AZIN1: variants seen among roughly 807,000 people sequenced by gnomAD.
The protein encoded by AZIN1 is ornithine decarboxylase antizyme inhibitor.
Under a neutral mutation model 47.4 loss-of-function variants are expected in AZIN1, and 12 were observed. The observed-to-expected ratio is 0.25, with a 90% CI of 0.16 to 0.41. AZIN1 has a LOEUF of 0.41. AZIN1 is among the 10% of genes least tolerant of loss of function. The probability of loss-of-function intolerance (pLI) is 1.00; values close to 1 mark genes in which losing one functional copy is unlikely to be tolerated. For missense variants in AZIN1, 410 were observed against 532.4 expected, an observed-to-expected ratio of 0.77 and a Z score of 2.26; for synonymous variants, 155 against 176.3, an observed-to-expected ratio of 0.88 and a Z score of 0.96.
At chr8:102,833,961 A>C (rs1811649249) in intron 8 of AZIN1, among the ~76,000 whole-genome samples, 1 of 152,044 alleles carries the variant, frequency 6.6e-6, no homozygotes, top group Non-Finnish European at 1.5e-5. Flanking sequence ...TAAGTACAGA[A>C]ACACAACTGA....
intron 2 of AZIN1, among the ~76,000 whole-genome samples, chr8:102,851,867 G>A (rs1812937717): frequency 6.6e-6 from 1 of 152,102 alleles, no homozygotes; most frequent in Non-Finnish European, 1.5e-5. Flanking sequence ...TTACATTCTA[G>A]TACTAGAGTC....
chr8:102,828,631 T>A lies in AZIN1; in HGVS notation c.1283A>T (p.Asn428Ile). The A allele has an allele frequency of 6.2e-7, 1 of 1,611,730 alleles. No homozygotes were observed. The highest frequency in any genetic ancestry group is 2.2e-5 in the East Asian group (1 of 44,828). Residue 428 changes from asparagine to isoleucine, a missense_variant, in exon 12 of 12, where the codon AAC becomes ATC. Physicochemically the swap from Asn to Ile is moderately radical, Grantham distance 149 (BLOSUM62 -3). This residue lies in a region of AZIN1 where 168 missense variants were observed against 198.3 expected (regional missense o/e 0.85). Coordinates refer to ENST00000337198, the MANE Select transcript of AZIN1 (RefSeq NM_148174.4). ...AATGCAAGAAGGCACAAAGAAGAAG[T>A]TCTTCATCATTGAGTCTGAAGTAAT... is the stretch of plus-strand genomic sequence containing the variant. Reference protein sequence around the residue: ...AGITSDSMMKNFFFVPSCIQL... With the variant: ...AGITSDSMMKIFFFVPSCIQL...
rs766897529 is a variant in AZIN1 at position 102,834,741 on chromosome 8, A to G, written c.591T>C (p.His197=). 6.2e-7 allele frequency: 1 copy of G among 1,609,058 alleles called. No homozygotes were observed. Among genetic ancestry groups the G allele is most frequent in the East Asian group, 2.2e-5 (1 of 44,758 alleles). ...GAGATTCTTTGCAAGCACTCGAAAC[A>G]TGAAATCTGAAACACATAGAATACT... ...LDVQIIGVKF[H]VSSACKESQV... is the part of the protein sequence containing the mutation. The change falls in exon 7 of 12, where the codon CAT becomes CAC. Residue 197 remains histidine (H), a synonymous_variant. Transcript: ENST00000337198.
At chr8:102,858,200 T>C (rs767346723) in intron 1 of AZIN1, 50 bp from the exon 2 acceptor site, 5 of 398,242 alleles carry the variant, frequency 1.3e-5, no homozygotes, top group African/African-American at 2.1e-5. Flanking sequence ...GTTAAAAAAA[T>C]GTTTAGGCTG....
At chr8:102,830,836 T>G (rs1811408278) in intron 9 of AZIN1, among the ~76,000 whole-genome samples, 1 of 152,110 alleles carries the variant, frequency 6.6e-6, no homozygotes, top group African/African-American at 2.4e-5. Context: ...ATGTATACAC[T>G]GCCAGTGGGA....
intron 4 of AZIN1, 136 bp downstream of exon 4, chr8:102,839,514 G>T: frequency 1.7e-6 from 1 of 594,840 alleles, no homozygotes; most frequent in Non-Finnish European, 2.7e-6. Flanking sequence ...TCCAACATGA[G>T]GCTGGAGATT....
intron 6 of AZIN1, chr8:102,835,027 T>C (rs1234172283): frequency 3.6e-6 from 1 of 275,876 alleles, no homozygotes; most frequent in South Asian, 8.8e-5. Context: ...CAATAAGGTG[T>C]GCTTTTATGT....
At position 102,826,835 on chromosome 8, in the gene AZIN1, A is replaced by T. The variant is rs1334939625; in HGVS notation, c.*1732T>A. ...CCCTCCTTGTTAAATGGTTAAAAAAAGTTACATGGTAGCTTGGAATTTTGC... is the reference window on the plus strand; with the variant it reads ...CCCTCCTTGTTAAATGGTTAAAAAATGTTACATGGTAGCTTGGAATTTTGC... On this transcript the variant is annotated 3_prime_UTR_variant, in exon 12 of 12. Coordinates refer to ENST00000337198, the MANE Select transcript of AZIN1 (RefSeq NM_148174.4). 1.3e-5 allele frequency: 2 copies of T among 152,630 alleles called. No individual in the cohort carries two copies. The highest frequency in any genetic ancestry group is 2.9e-5 in the Non-Finnish European group (2 of 68,028). 9.5% of individuals were successfully genotyped at this position (152,630 alleles called of 1,614,324 possible).
Position 102,850,568 on chromosome 8 carries a change from T to C in AZIN1, c.-95-6821A>G, listed in dbSNP as rs148175721. Among the ~76,000 whole-genome samples the C allele has an allele frequency of 5.3e-3, 804 of 152,278 alleles. 6 individuals are homozygous for C. The highest frequency in any genetic ancestry group is 8.7e-3 in the Non-Finnish European group (592 of 68,014). Reference sequence around the variant, plus strand: ...TACAAAAGAATTCCAGGAAGCTATATACTGAAACTGGTAGGAAATCCTATA... The same window carrying C: ...TACAAAAGAATTCCAGGAAGCTATACACTGAAACTGGTAGGAAATCCTATA... On this transcript the variant is annotated intron_variant, in intron 2 of 11. Transcript: ENST00000337198.
chr8:102,836,383 G>T lies in AZIN1; in HGVS notation c.457C>A (p.Leu153Ile), dbSNP rs867796619. 2 of 1,613,782 alleles carry T rather than the reference G, an allele frequency of 1.2e-6. No individual in the cohort carries two copies. The highest frequency in any genetic ancestry group is 2.7e-5 in the African/African-American group (2 of 74,894). ...ARNHPNAKVL[L>I]HIATEDNIGG... ...ATATTATCTTCTGTTGCAATATGTA[G>T]TAAGACCCTAAGAGAAGGGGAGATG... The change falls in exon 6 of 12, where the codon CTA (leucine) becomes ATA (isoleucine). Residue 153 changes from leucine to isoleucine, a missense_variant. Transcript: ENST00000337198.
At chr8:102,837,548 GA>G in intron 5 of AZIN1, among the ~76,000 whole-genome samples, 1 of 152,276 alleles carries the variant, frequency 6.6e-6, no homozygotes, top group African/African-American at 2.4e-5. Flanking sequence ...TCTAAGGTTA[GA>G]ATCAGCTCCA....
At chr8:102,847,382 A>T (rs1294163039) in intron 2 of AZIN1, among the ~76,000 whole-genome samples, 3 of 151,040 alleles carry the variant, frequency 2.0e-5, no homozygotes, top group Non-Finnish European at 2.9e-5. Context: ...ATAAAGCTCT[A>T]ATGGAGGTTT....
chr8:102,850,800 G>A (rs1415613177), intron 2 of AZIN1, among the ~76,000 whole-genome samples: 1 of 152,124 alleles, frequency 6.6e-6, no homozygotes, highest in Non-Finnish European at 1.5e-5. Context: ...AGAGGAAGAA[G>A]ACTAAAGGTG....
intron 3 of AZIN1, among the ~76,000 whole-genome samples, chr8:102,843,244 A>C (rs1812338814): frequency 3.3e-5 from 5 of 151,902 alleles, no homozygotes; most frequent in Non-Finnish European, 7.4e-5. Context: ...AAAAATGAGT[A>C]AGAAGCCATG....
rs563805985 is a variant in AZIN1 at position 102,828,512 on chromosome 8, T to C, written c.*55A>G. The C allele has an allele frequency of 2.0e-5, 24 of 1,185,282 alleles. No individual in the cohort carries two copies. The highest frequency in any genetic ancestry group is 7.2e-5 in the East Asian group (3 of 41,460). 73.4% of individuals were successfully genotyped at this position (1,185,282 alleles called of 1,614,324 possible). On this transcript the variant is annotated 3_prime_UTR_variant, in exon 12 of 12. Coordinates refer to ENST00000337198, the MANE Select transcript of AZIN1 (RefSeq NM_148174.4). The stretch of plus-strand genomic sequence containing the variant: ...TAAATTATTTTTCCACACTGGAATG[T>C]TGACCAGACAAGCTTAACCTGCAAC...
chr8:102,832,789 C>T (rs143952265), intron 9 of AZIN1, among the ~76,000 whole-genome samples: 140 of 152,080 alleles, frequency 9.2e-4, no homozygotes, highest in African/African-American at 2.9e-3. Context: ...TACAGGTGTG[C>T]GCCACCATGA....
At chr8:102,830,437 T>C (rs1456315109) in intron 9 of AZIN1, among the ~76,000 whole-genome samples, 4 of 148,790 alleles carry the variant, frequency 2.7e-5, no homozygotes, top group Non-Finnish European at 5.9e-5. Flanking sequence ...AGTATTAAGA[T>C]TCTAGAAGAC....
At chr8:102,835,089 G>A (rs775549284) in intron 6 of AZIN1, 19 of 177,974 alleles carry the variant, frequency 1.1e-4, no homozygotes, top group Non-Finnish European at 2.0e-4. Context: ...CTACCAAATC[G>A]TATCACATTC....
chr8:102,828,396 T>G lies in AZIN1; in HGVS notation c.*171A>C, dbSNP rs570208461. The G allele has an allele frequency of 3.3e-4, 158 of 476,234 alleles. No homozygotes were observed. The highest frequency in any genetic ancestry group is 9.8e-5 in the Non-Finnish European group (26 of 264,646). 29.5% of individuals were successfully genotyped at this position (476,234 alleles called of 1,614,324 possible). A position where few individuals can be genotyped will look rare whatever the true frequency, so the allele number is the denominator to read the frequency against. Reference sequence around the variant, plus strand: ...TATCTAAATCTCCCATTATCCCCAATGAATTATAGATGAAAGCTGATTTTG... The same window carrying G: ...TATCTAAATCTCCCATTATCCCCAAGGAATTATAGATGAAAGCTGATTTTG... On this transcript the variant is annotated 3_prime_UTR_variant, in exon 12 of 12. Coordinates refer to ENST00000337198, the MANE Select transcript of AZIN1 (RefSeq NM_148174.4).
Sources: allele counts gnomAD v4.1 joint callset (sites outside exome capture counted in the v4.1 genomes callset), GRCh38; gene constraint gnomAD v4.1.1; regional missense constraint gnomAD v4.1.1; transcripts MANE v1.5; gene names NCBI Gene and HGNC (gene_info 2026-07-23, HGNC 2026-07-21).